The following HLF variants were observed in gnomAD, a reference collection of about 807,000 sequenced individuals.
HLF encodes HLF transcription factor, PAR bZIP family member.
In HLF, 3 loss-of-function variants were observed where a neutral mutation model predicts 22.6. That is an observed-to-expected ratio of 0.13 (90% CI 0.06 to 0.34). The LOEUF is 0.34. HLF is among the 10% of genes least tolerant of loss of function. HLF has a pLI of 1.00. For missense variants in HLF, 299 were observed against 389.2 expected, an observed-to-expected ratio of 0.77 and a Z score of 1.95; for synonymous variants, 151 against 151.8, an observed-to-expected ratio of 0.99 and a Z score of 0.04.
At chr17:55,269,635 G>C (rs2080833817) in intron 2 of HLF, among the ~76,000 whole-genome samples, 1 of 152,150 alleles carries the variant, frequency 6.6e-6, no homozygotes, top group South Asian at 2.1e-4. Context: ...ATTTCTATTT[G>C]ATTGAGTTAT....
chr17:55,321,775 T>C lies in HLF; in HGVS notation c.*896T>C, dbSNP rs184134982. 7.6e-4 allele frequency: 176 copies of C among 231,500 alleles called. No individual in the cohort carries two copies. Among genetic ancestry groups the C allele is most frequent in the African/African-American group, 2.8e-3 (128 of 45,336 alleles). 14.3% of individuals were successfully genotyped at this position (231,500 alleles called of 1,614,324 possible). ...AGGAAGCAGAGGGAAATGGGAGGTC[T>C]AAGGATGAGGGGTTAATTTATCAGT... On this transcript the variant is annotated 3_prime_UTR_variant, in exon 4 of 4. Coordinates refer to ENST00000226067, the MANE Select transcript of HLF (RefSeq NM_002126.5).
At chr17:55,319,941 G>A (rs759170659) in intron 3 of HLF, among the ~76,000 whole-genome samples, 5 of 151,898 alleles carry the variant, frequency 3.3e-5, no homozygotes, top group Non-Finnish European at 7.4e-5. Flanking sequence ...ATACATATTT[G>A]TGTGTAAACT....
intron 3 of HLF, among the ~76,000 whole-genome samples, chr17:55,317,405 A>G (rs1360636229): frequency 6.6e-6 from 1 of 152,190 alleles, no homozygotes; most frequent in Non-Finnish European, 1.5e-5. Context: ...GACTTTCACA[A>G]AGTCTCCAGA....
At position 55,324,444 on chromosome 17, in the gene HLF, T is replaced by G; in HGVS notation, c.*3565T>G. ...AGCTATTCTTTGGTTTTTCTAGTAG[T>G]TTATCTCATTTTACCCTATTCTTCC... On this transcript the variant is annotated 3_prime_UTR_variant, in exon 4 of 4. Coordinates refer to ENST00000226067, the MANE Select transcript of HLF (RefSeq NM_002126.5). The G allele has an allele frequency of 4.3e-6, 1 of 231,628 alleles. No homozygotes were observed. The allele number at this position is 231,628 out of a possible 1,614,324, so 14.3% of individuals were successfully genotyped here.
intron 2 of HLF, among the ~76,000 whole-genome samples, chr17:55,286,374 C>T (rs2081004371): frequency 6.6e-6 from 1 of 151,950 alleles, no homozygotes; most frequent in Admixed American, 6.6e-5. Flanking sequence ...TTCTCAGGGG[C>T]CAAGCTGGCT....
rs116695331 is a variant in HLF, at chr17:55,318,297, G to A, written c.673-2367G>A. On this transcript the variant is annotated intron_variant, in intron 3 of 3. Transcript: ENST00000226067. ...TTTTCTAGTCCAGGACACTCCTTTC[G>A]TCATTCCTGCCTTCTGTATCCTCTT... Among the ~76,000 whole-genome samples the A allele has an allele frequency of 2.9e-3, 443 of 152,234 alleles. 4 individuals are homozygous for A. Among genetic ancestry groups the A allele is most frequent in the African/African-American group, 9.3e-3 (385 of 41,550 alleles).
At position 55,320,636 on chromosome 17, in the gene HLF, C is replaced by T; in HGVS notation, c.673-28C>T. The T allele has an allele frequency of 6.2e-7, 1 of 1,605,880 alleles. No homozygotes were observed. The highest frequency in any genetic ancestry group is 8.5e-7 in the Non-Finnish European group (1 of 1,173,374). On this transcript the variant is annotated intron_variant, in intron 3 of 3. Coordinates refer to ENST00000226067, the MANE Select transcript of HLF (RefSeq NM_002126.5). The surrounding 1 kb of genome is among the most constrained non-coding windows in gnomAD (Gnocchi z 4.2). Reference sequence around the variant, plus strand: ...TTTGCTGAAATCTAATATCTTGTTTCTTTTTCCCTTCTGTAACTAATGAGC... The same window carrying T: ...TTTGCTGAAATCTAATATCTTGTTTTTTTTTCCCTTCTGTAACTAATGAGC...
chr17:55,288,471 A>G (rs1470171730), intron 2 of HLF, among the ~76,000 whole-genome samples: 1 of 152,120 alleles, frequency 6.6e-6, no homozygotes, highest in Non-Finnish European at 1.5e-5. Flanking sequence ...TCTGATTGGT[A>G]AACATTCAAG....
At chr17:55,291,794 G>GAT (rs2081064903) in intron 2 of HLF, among the ~76,000 whole-genome samples, 2 of 152,168 alleles carry the variant, frequency 1.3e-5, no homozygotes, top group Admixed American at 6.5e-5. Context: ...CACCACTCTA[G>GAT]AAGCCGTTAA....
chr17:55,270,901 C>T (rs1240680379), intron 2 of HLF, among the ~76,000 whole-genome samples: 5 of 152,142 alleles, frequency 3.3e-5, no homozygotes, highest in Non-Finnish European at 7.4e-5. Flanking sequence ...CTCGGCCTCC[C>T]AAAGTGCTGG....
chr17:55,303,638 G>A (rs147583067), intron 2 of HLF, among the ~76,000 whole-genome samples: 1 of 152,324 alleles, frequency 6.6e-6, no homozygotes, highest in African/African-American at 2.4e-5. Flanking sequence ...TGGCTTTCAG[G>A]CAGCATTTGT....
At chr17:55,265,728 G>A (rs1043697723) in intron 1 of HLF, 129 bp downstream of exon 1, 2 of 1,133,342 alleles carry the variant, frequency 1.8e-6, no homozygotes, top group Admixed American at 7.8e-5. Flanking sequence ...CCGGCCCCGC[G>A]CTGATGAAAT....
At chr17:55,291,000 C>A (rs1381423198) in intron 2 of HLF, among the ~76,000 whole-genome samples, 1 of 152,184 alleles carries the variant, frequency 6.6e-6, no homozygotes, top group Non-Finnish European at 1.5e-5. Context: ...GAGCCAGGGC[C>A]TAACTCTCTT....
chr17:55,273,457 AT>A (rs960204660), intron 2 of HLF: 1 of 152,230 alleles, frequency 6.6e-6, no homozygotes, highest in Non-Finnish European at 1.5e-5. Context: ...CTCTGCAAAA[AT>A]AGGACATGCT....
At chr17:55,319,868 G>A (rs561268750) in intron 3 of HLF, among the ~76,000 whole-genome samples, 84 of 152,136 alleles carry the variant, frequency 5.5e-4, no homozygotes, top group Non-Finnish European at 1.1e-3. Flanking sequence ...TTATAGATTA[G>A]TATAAATCTT....
intron 2 of HLF, among the ~76,000 whole-genome samples, chr17:55,307,260 T>C (rs1328675741): frequency 1.3e-5 from 2 of 150,790 alleles, no homozygotes; most frequent in Non-Finnish European, 3.0e-5. Context: ...TTCAGGTGAT[T>C]CTCCTGCCTC....
chr17:55,311,931 T>G (rs1330414746), intron 2 of HLF, among the ~76,000 whole-genome samples: 1 of 152,222 alleles, frequency 6.6e-6, no homozygotes, highest in African/African-American at 2.4e-5. Context: ...AGTATTTGGT[T>G]TTCTGTGTTA....
At chr17:55,307,147 CTTTTTT>C (rs35828509) in intron 2 of HLF, among the ~76,000 whole-genome samples, 1 of 70,124 alleles carries the variant, frequency 1.4e-5, no homozygotes, top group African/African-American at 6.2e-5. Flanking sequence ...TCTCAGCGGC[CTTTTTT>C]TTTTTTTTTT....
At chr17:55,301,704 T>G (rs1445568468) in intron 2 of HLF, among the ~76,000 whole-genome samples, 1 of 152,188 alleles carries the variant, frequency 6.6e-6, no homozygotes, top group African/African-American at 2.4e-5. Context: ...TAGACAAAGA[T>G]TTCAGACCAG....
Sources: gnomAD v4.1 joint callset for allele counts (sites outside exome capture counted in the v4.1 genomes callset) on GRCh38, gnomAD v4.1.1 for gene constraint, Gnocchi (gnomAD v3.1) non-coding constraint, MANE v1.5 for transcripts, NCBI Gene and HGNC (gene_info 2026-07-23, HGNC 2026-07-21) for gene names.